NRG1: variants seen among roughly 807,000 people sequenced by gnomAD.
NRG1 encodes the protein pro-neuregulin-1, membrane-bound isoform.
NRG1 carries 18 observed loss-of-function variants against 63.8 expected under a neutral mutation model. That is an observed-to-expected ratio of 0.28 (90% CI 0.19 to 0.42). The LOEUF (loss-of-function observed/expected upper bound fraction) is 0.42, where lower values mean the gene tolerates loss of function less well. Among genes scored for constraint, NRG1 ranks in the 10% least tolerant of loss-of-function variants. NRG1 has a pLI of 1.00. For missense variants in NRG1, 762 were observed against 814.7 expected, an observed-to-expected ratio of 0.94 and a Z score of 0.79; for synonymous variants, 302 against 301.3, an observed-to-expected ratio of 1.00 and a Z score of -0.02.
At chr8:32,499,013 G>A (rs1827546633) in intron 1 of NRG1, among the ~76,000 whole-genome samples, 1 of 152,168 alleles carries the variant, frequency 6.6e-6, no homozygotes, top group Non-Finnish European at 1.5e-5. Flanking sequence ...AAGCTGAGTT[G>A]GTGGCTATAA....
At position 32,633,747 on chromosome 8, in the gene NRG1, T is replaced by C. The variant is rs145302453; in HGVS notation, c.502+16862T>C. Among the ~76,000 whole-genome samples, 369 of 152,252 alleles carry C rather than the reference T, an allele frequency of 2.4e-3. 1 individual carries two copies. The highest frequency in any genetic ancestry group is 8.4e-3 in the African/African-American group (347 of 41,550). On this transcript the variant is annotated intron_variant, in intron 5 of 11. Transcript: ENST00000356819. The stretch of plus-strand genomic sequence containing the variant: ...AAACGATTGCAATCTCTTTCCCCAG[T>C]GCCTTCCTTCCTCTTTCTCTCAGTC...
At chr8:32,587,419 T>C (rs1199486408) in intron 1 of NRG1, among the ~76,000 whole-genome samples, 2 of 152,040 alleles carry the variant, frequency 1.3e-5, no homozygotes, top group Non-Finnish European at 2.9e-5. Flanking sequence ...ACATGAAAAC[T>C]TCAAAGTAAA....
At chr8:31,832,549 G>A (rs996125597) in intron 1 of NRG1, among the ~76,000 whole-genome samples, 11 of 152,196 alleles carry the variant, frequency 7.2e-5, no homozygotes, top group South Asian at 2.1e-4. Flanking sequence ...ATGAGCCATC[G>A]TGCCCAACCA....
At chr8:32,056,771 C>T (rs1823018654) in intron 1 of NRG1, among the ~76,000 whole-genome samples, 1 of 152,122 alleles carries the variant, frequency 6.6e-6, no homozygotes, top group Admixed American at 6.6e-5. Flanking sequence ...ATATAGTGTT[C>T]TCTGCCCCTA....
At chr8:31,967,624 CA>C (rs1289504498) in intron 1 of NRG1, among the ~76,000 whole-genome samples, 1 of 152,104 alleles carries the variant, frequency 6.6e-6, no homozygotes, top group Admixed American at 6.6e-5. Flanking sequence ...CCATGAAAAC[CA>C]GAAGGCAGGG....
At chr8:32,411,204 G>A (rs2347516) in intron 1 of NRG1, among the ~76,000 whole-genome samples, 2,009 of 152,184 alleles carry the variant, frequency 0.013, 45 homozygotes, top group African/African-American at 0.046. Flanking sequence ...TGAGGAACTA[G>A]AGACTCTGAG....
chr8:31,761,163 G>A (rs1390385304), intron 1 of NRG1, among the ~76,000 whole-genome samples: 1 of 152,144 alleles, frequency 6.6e-6, no homozygotes, highest in Middle Eastern at 3.2e-3. Context: ...GGACATGGAT[G>A]AAATTGGAAA....
chr8:32,569,081 G>T (rs1299112661), intron 1 of NRG1, among the ~76,000 whole-genome samples: 1 of 151,948 alleles, frequency 6.6e-6, no homozygotes, highest in Non-Finnish European at 1.5e-5. Flanking sequence ...ACAGCATCTC[G>T]CTCTGTCACT....
At chr8:31,745,677 C>A (rs1215567184) in intron 1 of NRG1, among the ~76,000 whole-genome samples, 3 of 151,876 alleles carry the variant, frequency 2.0e-5, no homozygotes, top group South Asian at 2.1e-4. Flanking sequence ...ATTAATATTT[C>A]TTTATGTATA....
chr8:32,233,064 T>C (rs1847123788), intron 1 of NRG1, among the ~76,000 whole-genome samples: 1 of 152,200 alleles, frequency 6.6e-6, no homozygotes, highest in Non-Finnish European at 1.5e-5. Flanking sequence ...TTAAGTTGCA[T>C]ACTACTTCAC....
At chr8:31,711,694 C>T (rs1172537563) in intron 1 of NRG1, among the ~76,000 whole-genome samples, 1 of 152,146 alleles carries the variant, frequency 6.6e-6, no homozygotes, top group Admixed American at 6.5e-5. Context: ...CACAAATTAT[C>T]ATAATCTAAG....
At chr8:31,639,686 G>A in intron 1 of NRG1, 1 of 1,402,324 alleles carries the variant, frequency 7.1e-7, no homozygotes, top group Non-Finnish European at 9.2e-7. Flanking sequence ...GCGGGGGGTG[G>A]GGGGACCTGT....
Position 31,682,234 on chromosome 8 carries a change from C to T in NRG1, c.37+42803C>T, listed in dbSNP as rs1051024032. 8.5e-5 allele frequency among the ~76,000 whole-genome samples: 13 copies of T among 152,094 alleles called. No homozygotes were observed. In the East Asian group the frequency reaches 9.6e-4, roughly 11 times the overall value. The stretch of plus-strand genomic sequence containing the variant: ...GTAAACTTGTCATATTGGCTTCTTT[C>T]GCTTAGTAATATGCAATTAAGGTTC... On this transcript the variant is annotated intron_variant, in intron 1 of 10. Transcript: ENST00000519301.
chr8:32,253,874 A>T (rs1384359360), intron 1 of NRG1, among the ~76,000 whole-genome samples: 1 of 152,094 alleles, frequency 6.6e-6, no homozygotes, highest in East Asian at 1.9e-4. Flanking sequence ...AGAACTTGTT[A>T]TTGGTCTATT....
At chr8:32,170,298 AG>A (rs1324273126) in intron 1 of NRG1, among the ~76,000 whole-genome samples, 19 of 152,332 alleles carry the variant, frequency 1.2e-4, no homozygotes, top group African/African-American at 4.6e-4. Context: ...GTGGAGTAAA[AG>A]ATAACAGCTT....
intron 5 of NRG1, among the ~76,000 whole-genome samples, chr8:32,635,131 C>CT (rs138771648): frequency 6.6e-6 from 1 of 152,340 alleles, no homozygotes; most frequent in African/African-American, 2.4e-5. Flanking sequence ...CATGCCTTCA[C>CT]TTTCTGCAGA....
chr8:31,915,480 C>T (rs1378560743), intron 1 of NRG1, among the ~76,000 whole-genome samples: 2 of 152,102 alleles, frequency 1.3e-5, no homozygotes, highest in Non-Finnish European at 2.9e-5. Context: ...CTTTTTCTGA[C>T]TGACCATTTT....
intron 1 of NRG1, among the ~76,000 whole-genome samples, chr8:31,976,492 A>T (rs1032701942): frequency 1.3e-5 from 2 of 152,110 alleles, no homozygotes; most frequent in East Asian, 3.9e-4. Context: ...GTGGGGGGAG[A>T]TGAAATTAGT....
At chr8:31,728,293 G>A (rs1334465595) in intron 1 of NRG1, among the ~76,000 whole-genome samples, 7 of 152,012 alleles carry the variant, frequency 4.6e-5, no homozygotes, top group African/African-American at 9.7e-5. Flanking sequence ...GTGAAACCCC[G>A]TCTCTACTAA....
Sources: gnomAD v4.1 joint callset for allele counts (sites outside exome capture counted in the v4.1 genomes callset) on GRCh38, gnomAD v4.1.1 for gene constraint, MANE v1.5 for transcripts, NCBI Gene and HGNC (gene_info 2026-07-23, HGNC 2026-07-21) for gene names.